The following CNOT10 variants were observed in gnomAD, a reference collection of about 807,000 sequenced individuals.
CNOT10 encodes CCR4-NOT transcription complex subunit 10, also known as CCR4-NOT transcription complex, subunit 10.
Under a neutral mutation model 94.6 loss-of-function variants are expected in CNOT10, and 30 were observed. That is an observed-to-expected ratio of 0.32 (90% CI 0.24 to 0.43). CNOT10 has a LOEUF of 0.43. Ranked by LOEUF, CNOT10 falls within the 20% of genes least tolerant of loss-of-function variation. The pLI is 1.00. For synonymous variants in CNOT10, 289 were observed against 301.6 expected (o/e 0.96, Z 0.43); for missense variants, 759 against 877.2 (o/e 0.87, Z 1.70).
At chr3:32,743,636 A>G (rs957201048) in intron 13 of CNOT10, among the ~76,000 whole-genome samples, 1 of 152,132 alleles carries the variant, frequency 6.6e-6, no homozygotes, top group African/African-American at 2.4e-5. Flanking sequence ...TCTGTCTCAC[A>G]TACACACACG....
chr3:32,705,654 A>G (rs1697587099), intron 3 of CNOT10, among the ~76,000 whole-genome samples: 1 of 152,178 alleles, frequency 6.6e-6, no homozygotes. Context: ...TTGTCCAAAA[A>G]CACAAAGTTT....
At chr3:32,700,646 T>C (rs972700859) in intron 1 of CNOT10, among the ~76,000 whole-genome samples, 2 of 152,160 alleles carry the variant, frequency 1.3e-5, no homozygotes, top group African/African-American at 4.8e-5. Context: ...TGCGGATAGG[T>C]TCAAGCTTTG....
intron 10 of CNOT10, among the ~76,000 whole-genome samples, chr3:32,731,803 G>T (rs1158400537): frequency 6.6e-6 from 1 of 152,088 alleles, no homozygotes; most frequent in African/African-American, 2.4e-5. Context: ...ATTTGGCCTA[G>T]AGCAGTGGTT....
chr3:32,733,113 A>G (rs1178981638), intron 10 of CNOT10, among the ~76,000 whole-genome samples: 2 of 152,174 alleles, frequency 1.3e-5, no homozygotes, highest in African/African-American at 4.8e-5. Flanking sequence ...AACATGTAGC[A>G]TGGTACTGGA....
At chr3:32,687,280 A>T (rs1003585399) in intron 1 of CNOT10, among the ~76,000 whole-genome samples, 1 of 150,808 alleles carries the variant, frequency 6.6e-6, no homozygotes, top group African/African-American at 2.4e-5. Flanking sequence ...CATTTTCCTC[A>T]CTGTCGCCCC....
At chr3:32,772,499 G>A (rs1353536888) in intron 18 of CNOT10, among the ~76,000 whole-genome samples, 2 of 152,028 alleles carry the variant, frequency 1.3e-5, no homozygotes, top group East Asian at 3.9e-4. Flanking sequence ...TCCAGCCTGG[G>A]CAATATAGTG....
intron 11 of CNOT10, 32 bp downstream of exon 11, chr3:32,733,576 T>C: frequency 7.5e-7 from 1 of 1,332,462 alleles, no homozygotes; most frequent in Non-Finnish European, 1.0e-6. Context: ...AGTGTATATA[T>C]ATTTAATACT....
At chr3:32,724,557 C>A (rs980530574) in intron 8 of CNOT10, among the ~76,000 whole-genome samples, 1 of 152,036 alleles carries the variant, frequency 6.6e-6, no homozygotes, top group African/African-American at 2.4e-5. Context: ...GGACTACACG[C>A]GCCCGCCACC....
At chr3:32,730,342 G>T (rs1020059131) in intron 10 of CNOT10, among the ~76,000 whole-genome samples, 10 of 152,088 alleles carry the variant, frequency 6.6e-5, no homozygotes, top group Non-Finnish European at 1.0e-4. Flanking sequence ...AGCGGGAGGG[G>T]AGGATAAGTA....
chr3:32,751,876 A>G (rs1270493841), intron 13 of CNOT10, among the ~76,000 whole-genome samples: 1 of 152,152 alleles, frequency 6.6e-6, no homozygotes, highest in Non-Finnish European at 1.5e-5. Context: ...GAAGGATCCT[A>G]CCTGTGTGAC....
chr3:32,759,414 A>T, intron 13 of CNOT10, 44 bp from the exon 14 acceptor site: 1 of 1,302,976 alleles, frequency 7.7e-7, no homozygotes, highest in Non-Finnish European at 1.1e-6. Context: ...ACCATTATCA[A>T]TGTTTAAAAT....
At chr3:32,742,478 T>C (rs1262314493) in intron 13 of CNOT10, among the ~76,000 whole-genome samples, 2 of 151,662 alleles carry the variant, frequency 1.3e-5, no homozygotes, top group African/African-American at 4.9e-5. Flanking sequence ...GCCTCCCAGG[T>C]GCAAGCGACT....
intron 3 of CNOT10, among the ~76,000 whole-genome samples, chr3:32,708,122 T>TC (rs1327093225): frequency 1.3e-5 from 2 of 152,136 alleles, no homozygotes; most frequent in Non-Finnish European, 2.9e-5. Context: ...GGTCTCAAAC[T>TC]CCTGACCTCA....
At chr3:32,710,147 C>CAAAAAAAAAAAAAAAAAAAAA in intron 4 of CNOT10, among the ~76,000 whole-genome samples, 1 of 70,660 alleles carries the variant, frequency 1.4e-5, no homozygotes, top group Non-Finnish European at 2.9e-5. Flanking sequence ...AACTTGCTCT[C>CAAAAAAAAAAAAAAAAAAAAA]AAAAAAAAAA....
chr3:32,685,534 C>G (rs1359281719), intron 1 of CNOT10, 52 bp downstream of exon 1: 1 of 1,546,076 alleles, frequency 6.5e-7, no homozygotes, highest in South Asian at 1.2e-5. Flanking sequence ...CGGGGCCGGG[C>G]GGACCCTGAA....
In CNOT10 at chr3:32,769,895, A is replaced by G. The variant is rs137943116; in HGVS notation, c.2013A>G (p.Ser671=). Residue 671 remains serine, a synonymous_variant, in exon 18 of 19, where the codon TCA becomes TCG. Coordinates refer to ENST00000328834, the MANE Select transcript of CNOT10 (RefSeq NM_015442.3). ...TTCTGTTTTGAGCAAAGGCGGCTTC[A>G]ATGATCCATCCTAAAGAGGTGCCCC... ...KARKCLHQAA[S]MIHPKEVPPE... 3.1e-5 allele frequency: 50 copies of G among 1,613,752 alleles called. No homozygotes were observed. Among genetic ancestry groups the G allele is most frequent in the Non-Finnish European group, 4.1e-5 (48 of 1,179,808 alleles).
intron 6 of CNOT10, 30 bp downstream of exon 6, chr3:32,716,341 A>G (rs780124059): frequency 3.0e-5 from 32 of 1,051,374 alleles, no homozygotes; most frequent in Middle Eastern, 2.0e-4. Context: ...GGGGCAATAC[A>G]TCACATATAT....
rs1274052944 is a variant in CNOT10, at chr3:32,753,638, C to T, written c.1596-5820C>T. On this transcript the variant is annotated intron_variant, in intron 13 of 18. Coordinates refer to ENST00000328834, the MANE Select transcript of CNOT10 (RefSeq NM_015442.3). ...ATAGCAGGTGTAAAGCACCTACATCCATCATCATCTCCTTATACAAGAAAT... is the reference window on the plus strand; with the variant it reads ...ATAGCAGGTGTAAAGCACCTACATCTATCATCATCTCCTTATACAAGAAAT... 13 of 1,565,752 alleles carry T rather than the reference C, an allele frequency of 8.3e-6. No individual in the cohort carries two copies. The Admixed American group carries it at 2.1e-4, about 25-fold the overall frequency.
intron 9 of CNOT10, among the ~76,000 whole-genome samples, chr3:32,726,729 T>C (rs982756742): frequency 2.2e-5 from 3 of 135,340 alleles, no homozygotes; most frequent in South Asian, 2.4e-4. Context: ...ATAATAATAA[T>C]AACCTATTTA....
Sources: allele counts gnomAD v4.1 joint callset (sites outside exome capture counted in the v4.1 genomes callset), GRCh38; gene constraint gnomAD v4.1.1; transcripts MANE v1.5; gene names NCBI Gene and HGNC (gene_info 2026-07-23, HGNC 2026-07-21).